KYNU: variants seen among roughly 807,000 people sequenced by gnomAD.
KYNU encodes the protein L-kynurenine hydrolase.
KYNU carries 54 observed loss-of-function variants against 59.2 expected under a neutral mutation model. The ratio of observed to expected loss-of-function variants is 0.91; its 90% CI spans 0.73 to 1.14. The LOEUF (loss-of-function observed/expected upper bound fraction) is 1.14. Ranked by LOEUF, KYNU falls within the 50% of genes most tolerant of loss-of-function variation. KYNU has a pLI of 0.00. For synonymous variants in KYNU, 177 were observed against 192.0 expected, an observed-to-expected ratio of 0.92 and a Z score of 0.65; for missense variants, 567 against 554.4, an observed-to-expected ratio of 1.02 and a Z score of -0.23.
chr2:143,042,065 A>G lies in KYNU; in HGVS notation c.1291A>G (p.Asn431Asp). The change falls in exon 14 of 14, where the codon AAT (asparagine) becomes GAT (aspartate). Residue 431 changes from asparagine to aspartate, a missense_variant. By Grantham distance (23) the Asn-to-Asp change is conservative. Transcript: ENST00000264170. ...CCCACAGTGTGACAAGCGGAATCCA[A>G]ATGGCATTCGAGTGGCTCCAGTTCC... ...RGVVCDKRNP[N>D]GIRVAPVPLY... 5.0e-6 allele frequency: 8 copies of G among 1,611,956 alleles called. No homozygotes were observed. Among genetic ancestry groups the G allele is most frequent in the Non-Finnish European group, 5.9e-6 (7 of 1,178,556 alleles).
At chr2:143,038,503 G>C (rs187222812) in intron 12 of KYNU, among the ~76,000 whole-genome samples, 29 of 152,134 alleles carry the variant, frequency 1.9e-4, no homozygotes, top group Admixed American at 1.6e-3. Flanking sequence ...GTGTAACCTG[G>C]GTCATCTGAA....
At chr2:142,925,256 A>G (rs1363172523) in intron 3 of KYNU, among the ~76,000 whole-genome samples, 1 of 152,240 alleles carries the variant, frequency 6.6e-6, no homozygotes, top group Admixed American at 6.5e-5. Flanking sequence ...AAATCAAGAA[A>G]GAGGCAAGCT....
chr2:142,888,653 C>A (rs890430713), intron 2 of KYNU, among the ~76,000 whole-genome samples: 3 of 151,772 alleles, frequency 2.0e-5, no homozygotes, highest in African/African-American at 7.3e-5. Flanking sequence ...TGAGGCCCAG[C>A]CTTCTATTCT....
chr2:142,909,309 G>A (rs1682405392), intron 2 of KYNU, among the ~76,000 whole-genome samples: 1 of 151,962 alleles, frequency 6.6e-6, no homozygotes, highest in Admixed American at 6.5e-5. Flanking sequence ...GGGACATACA[G>A]GCATAACTCA....
chr2:142,978,138 G>C (rs1469873560), intron 8 of KYNU, among the ~76,000 whole-genome samples: 4 of 151,934 alleles, frequency 2.6e-5, no homozygotes, highest in Non-Finnish European at 5.9e-5. Context: ...ATTCCTTTGG[G>C]AAATTCCAAT....
intron 8 of KYNU, among the ~76,000 whole-genome samples, chr2:142,984,367 G>T (rs1346742283): frequency 2.0e-5 from 3 of 151,874 alleles, no homozygotes; most frequent in Non-Finnish European, 4.4e-5. Context: ...ATTTCCCCTG[G>T]AAACTCTAAT....
chr2:142,947,483 T>A (rs1683830323), intron 4 of KYNU: 1 of 318,736 alleles, frequency 3.1e-6, no homozygotes, highest in Admixed American at 4.3e-5. Context: ...TCTGAGATGG[T>A]CCATGACATT....
chr2:142,962,681 G>A (rs1230414888), intron 8 of KYNU, among the ~76,000 whole-genome samples: 3 of 152,116 alleles, frequency 2.0e-5, no homozygotes, highest in Non-Finnish European at 2.9e-5. Context: ...AATGAAGGTA[G>A]GAATGAGCAG....
At chr2:143,019,563 T>C (rs1573905903) in intron 10 of KYNU, among the ~76,000 whole-genome samples, 2 of 152,282 alleles carry the variant, frequency 1.3e-5, no homozygotes, top group African/African-American at 4.8e-5. Context: ...TTCTAGTATT[T>C]TGTTAAGGAT....
intron 10 of KYNU, among the ~76,000 whole-genome samples, chr2:143,011,134 A>C (rs1357575996): frequency 6.9e-6 from 1 of 145,902 alleles, no homozygotes; most frequent in Non-Finnish European, 1.5e-5. Context: ...CAACCTACAA[A>C]ATGGGAGACA....
intron 4 of KYNU, among the ~76,000 whole-genome samples, chr2:142,930,576 C>T (rs1382300492): frequency 2.0e-5 from 3 of 152,182 alleles, no homozygotes; most frequent in African/African-American, 7.2e-5. Context: ...CTGGCTTCTC[C>T]TCTTGGCTGC....
intron 10 of KYNU, among the ~76,000 whole-genome samples, chr2:143,024,078 C>T (rs932632574): frequency 6.6e-6 from 1 of 151,576 alleles, no homozygotes; most frequent in Non-Finnish European, 1.5e-5. Flanking sequence ...AAGATGCAAT[C>T]TTTATATATG....
At chr2:143,021,364 A>G (rs1686401894) in intron 10 of KYNU, among the ~76,000 whole-genome samples, 1 of 152,196 alleles carries the variant, frequency 6.6e-6, no homozygotes, top group Non-Finnish European at 1.5e-5. Flanking sequence ...TGACATTAGA[A>G]TCAGCTTTTC....
At chr2:142,896,970 C>T (rs979104029) in intron 2 of KYNU, among the ~76,000 whole-genome samples, 2 of 152,134 alleles carry the variant, frequency 1.3e-5, no homozygotes, top group African/African-American at 4.8e-5. Flanking sequence ...CTTTAGTTAC[C>T]ATGTCTAAAA....
At chr2:143,039,521 TG>T (rs1445290349) in intron 12 of KYNU, among the ~76,000 whole-genome samples, 3 of 152,102 alleles carry the variant, frequency 2.0e-5, no homozygotes, top group Non-Finnish European at 4.4e-5. Context: ...AAAATAATTT[TG>T]AAGGTATGTT....
chr2:142,959,893 T>A (rs2105096110), intron 7 of KYNU, among the ~76,000 whole-genome samples: 1 of 152,094 alleles, frequency 6.6e-6, no homozygotes, highest in African/African-American at 2.4e-5. Flanking sequence ...AGATAAAAGA[T>A]GTGTAAGTGT....
At chr2:142,974,639 A>G (rs1684833390) in intron 8 of KYNU, among the ~76,000 whole-genome samples, 1 of 152,184 alleles carries the variant, frequency 6.6e-6, no homozygotes, top group Non-Finnish European at 1.5e-5. Context: ...TGTAAATCAC[A>G]TTGCTGGAAG....
rs747853097 is a variant in KYNU at position 142,918,634 on chromosome 2, T to C, written c.195T>C (p.Asp65=). ...TTGATTTATCATTAGTGAATAAAGA[T>C]GAAAATGCCATCTATTTCTTGGGAA... The part of the protein sequence containing the change: ...PPVDLSLVNK[D]ENAIYFLGNS... The change falls in exon 3 of 14, where the codon GAT becomes GAC. Residue 65 remains aspartate (D), a synonymous_variant. Coordinates refer to ENST00000264170, the MANE Select transcript of KYNU (RefSeq NM_003937.3). 9 of 1,606,440 alleles carry C rather than the reference T, an allele frequency of 5.6e-6. No homozygotes were observed. In the Admixed American group the frequency reaches 1.0e-4, roughly 18 times the overall value.
intron 4 of KYNU, among the ~76,000 whole-genome samples, chr2:142,942,252 T>C (rs1307846315): frequency 6.6e-6 from 1 of 152,198 alleles, no homozygotes; most frequent in Non-Finnish European, 1.5e-5. Context: ...GTGTTCATTT[T>C]GTTTGCAAAC....
Sources: allele counts gnomAD v4.1 joint callset (sites outside exome capture counted in the v4.1 genomes callset), GRCh38; gene constraint gnomAD v4.1.1; transcripts MANE v1.5; gene names NCBI Gene and HGNC (gene_info 2026-07-23, HGNC 2026-07-21).